SNX31: variants seen among roughly 807,000 people sequenced by gnomAD.
SNX31 encodes sorting nexin 31.
In SNX31, 58 loss-of-function variants were observed where a neutral mutation model predicts 65.4. The ratio of observed to expected loss-of-function variants is 0.89; its 90% CI spans 0.72 to 1.10. The LOEUF is 1.10. SNX31 is among the 50% of genes least tolerant of loss of function. The probability of loss-of-function intolerance (pLI) is 0.00; values close to 1 mark genes in which losing one functional copy is unlikely to be tolerated. For synonymous variants in SNX31, 181 were observed against 190.1 expected (o/e 0.95, Z 0.39); for missense variants, 523 against 529.7 (o/e 0.99, Z 0.12).
In SNX31 at chr8:100,604,460, C is replaced by T. The variant is rs986792345; in HGVS notation, c.682-4019G>A. Reference sequence around the variant, plus strand: ...AAGCATGGTGGAGAAGGGCAAGGGACGTGTGTGCCTGGACAAGGTCACCAG... The same window carrying T: ...AAGCATGGTGGAGAAGGGCAAGGGATGTGTGTGCCTGGACAAGGTCACCAG... On this transcript the variant is annotated intron_variant, in intron 8 of 13. Coordinates refer to ENST00000311812, the MANE Select transcript of SNX31 (RefSeq NM_152628.4). The surrounding 1 kb of genome is among the most constrained non-coding windows in gnomAD (Gnocchi z 4.3). Among the ~76,000 whole-genome samples the T allele has an allele frequency of 6.6e-6, 1 of 152,100 alleles. No individual in the cohort carries two copies. The highest frequency in any genetic ancestry group is 6.6e-5 in the Admixed American group (1 of 15,266).
intron 3 of SNX31, among the ~76,000 whole-genome samples, chr8:100,634,777 T>G (rs115043193): frequency 7.6e-6 from 1 of 132,250 alleles, no homozygotes; most frequent in East Asian, 2.4e-4. Context: ...AATTAAATAT[T>G]GGGTGCAGTG....
Position 100,596,801 on chromosome 8 carries a change from C to T in SNX31, c.816G>A (p.Leu272=). 1 of 1,613,790 alleles carries T rather than the reference C, an allele frequency of 6.2e-7. No homozygotes were observed. The highest frequency in any genetic ancestry group is 8.5e-7 in the Non-Finnish European group (1 of 1,180,010). ...AGTCACAGGTACAAGGATCCAGCTGCAGGTATCCATAGTGCCGTACCTCCC... is the reference window on the plus strand; with the variant it reads ...AGTCACAGGTACAAGGATCCAGCTGTAGGTATCCATAGTGCCGTACCTCCC... The part of the protein sequence containing the change: ...LAREVRHYGY[L]QLDPCTCDYP... Residue 272 remains leucine, a synonymous_variant, in exon 10 of 14, where the codon CTG becomes CTA. Coordinates refer to ENST00000311812, the MANE Select transcript of SNX31 (RefSeq NM_152628.4).
intron 12 of SNX31, among the ~76,000 whole-genome samples, chr8:100,577,630 T>C (rs997513040): frequency 1.3e-5 from 2 of 152,156 alleles, no homozygotes; most frequent in African/African-American, 2.4e-5. Context: ...CAGGATTACA[T>C]TGAATGCATG....
At chr8:100,657,918 A>G in intron 1 of SNX31, 1 of 361,480 alleles carries the variant, frequency 2.8e-6, no homozygotes, top group Non-Finnish European at 5.4e-6. Context: ...AACAACAACA[A>G]CAAACAACTA....
chr8:100,580,582 A>G (rs1170352370), intron 12 of SNX31, among the ~76,000 whole-genome samples: 3 of 152,210 alleles, frequency 2.0e-5, no homozygotes, highest in Non-Finnish European at 4.4e-5. Context: ...AAAGAAGTGA[A>G]CCCTGCTTCA....
intron 10 of SNX31, among the ~76,000 whole-genome samples, chr8:100,592,642 T>C (rs1376757346): frequency 6.6e-6 from 1 of 152,072 alleles, no homozygotes; most frequent in Non-Finnish European, 1.5e-5. Context: ...TCAAGAGACA[T>C]AAAAACATGT....
At chr8:100,654,787 C>T (rs1191124469) in intron 1 of SNX31, among the ~76,000 whole-genome samples, 3 of 152,062 alleles carry the variant, frequency 2.0e-5, no homozygotes, top group African/African-American at 7.2e-5. Flanking sequence ...CTGAGGCATG[C>T]GGATCACTTG....
chr8:100,636,207 C>T (rs1229240182), intron 2 of SNX31, among the ~76,000 whole-genome samples, 196 bp from the exon 3 acceptor site: 1 of 152,198 alleles, frequency 6.6e-6, no homozygotes, highest in African/African-American at 2.4e-5. Flanking sequence ...ATTCTGGAGA[C>T]ATTACTAGAC....
chr8:100,601,726 G>C (rs2130942042), intron 8 of SNX31, among the ~76,000 whole-genome samples: 1 of 152,276 alleles, frequency 6.6e-6, no homozygotes, highest in South Asian at 2.1e-4. Context: ...TCCCTAATGG[G>C]GTTCTTGGTT....
Position 100,588,947 on chromosome 8 carries a change from T to C in SNX31, c.1011A>G (p.Arg337=). The part of the protein sequence containing the change: ...GTLLDTDGPQ[R]TLNQNLELRF... ...TGAGCTCTAAGTTCTGGTTGAGAGT[T>C]CTCTGGGGCCCATCCGTATCCAGCA... The change falls in exon 11 of 14, where the codon AGA becomes AGG. Residue 337 remains arginine, a synonymous_variant. Coordinates refer to ENST00000311812, the MANE Select transcript of SNX31 (RefSeq NM_152628.4). The surrounding 1 kb of genome is among the most constrained non-coding windows in gnomAD (Gnocchi z 4.8). 1 of 1,614,006 alleles carries C rather than the reference T, an allele frequency of 6.2e-7. No homozygotes were observed. Among genetic ancestry groups the C allele is most frequent in the Non-Finnish European group, 8.5e-7 (1 of 1,179,932 alleles).
chr8:100,603,426 T>G (rs961671587), intron 8 of SNX31, among the ~76,000 whole-genome samples: 2 of 152,076 alleles, frequency 1.3e-5, no homozygotes, highest in Non-Finnish European at 2.9e-5. Flanking sequence ...GTAACTGTTT[T>G]GTTTCATTAC....
rs183923308 is a variant in SNX31, at chr8:100,577,811, A to T, written c.1171-736T>A. The stretch of plus-strand genomic sequence containing the variant: ...GAGCTGTATCCCTCAGTAGAGAGAC[A>T]TTCCAGCCCCAGAGACCCAGCAGGT... On this transcript the variant is annotated intron_variant, in intron 12 of 13. Coordinates refer to ENST00000311812, the MANE Select transcript of SNX31 (RefSeq NM_152628.4). 4.5e-3 allele frequency among the ~76,000 whole-genome samples: 690 copies of T among 152,288 alleles called. 6 individuals carry two copies. Among genetic ancestry groups the T allele is most frequent in the Middle Eastern group, 0.01 (3 of 294 alleles).
chr8:100,641,595 T>TATAC lies in SNX31; in HGVS notation c.142-5585_142-5584insGTAT, dbSNP rs1241411821. ...ATATATATATATATATATATATATATACACATACACACACACACGCACACA... is the reference window on the plus strand; with the variant it reads ...ATATATATATATATATATATATATATATACACACATACACACACACACGCACACA... On this transcript the variant is annotated intron_variant, in intron 2 of 13. Transcript: ENST00000311812. 5.3e-3 allele frequency among the ~76,000 whole-genome samples: 116 copies of TATAC among 22,006 alleles called. 3 individuals are homozygous for TATAC. Among genetic ancestry groups the TATAC allele is most frequent in the African/African-American group, 0.022 (69 of 3,208 alleles). 14.4% of individuals were successfully genotyped at this position (22,006 alleles called of 152,430 possible).
intron 2 of SNX31, among the ~76,000 whole-genome samples, chr8:100,637,386 T>C (rs1369323663): frequency 6.6e-6 from 1 of 152,152 alleles, no homozygotes; most frequent in Non-Finnish European, 1.5e-5. Flanking sequence ...CCATACTCAG[T>C]GGCTTAAAGA....
rs1271411108 is a variant in SNX31 at position 100,588,492 on chromosome 8, C to T, written c.1092+374G>A. On this transcript the variant is annotated intron_variant, in intron 11 of 13. Transcript: ENST00000311812. The surrounding 1 kb of genome is among the most constrained non-coding windows in gnomAD (Gnocchi z 4.8). ...TTTTATTGGAACATAGCCAGACTCA[C>T]TTGTTTATATACTGCCTATGGCTGC... Among the ~76,000 whole-genome samples, 1 of 152,200 alleles carries T rather than the reference C, an allele frequency of 6.6e-6. No homozygotes were observed. The highest frequency in any genetic ancestry group is 2.4e-5 in the African/African-American group (1 of 41,464).
rs977595745 is a variant in SNX31 at position 100,575,923 on chromosome 8, C to T, written c.1227+1096G>A. On this transcript the variant is annotated intron_variant, in intron 13 of 13. Coordinates refer to ENST00000311812, the MANE Select transcript of SNX31 (RefSeq NM_152628.4). This position sits in a 1 kb window ranked among gnomAD's most constrained non-coding sequence, Gnocchi z 5.1. ...CCAATGTGCAGCCAAAGTTGAGAAC[C>T]ACAGCTCCATGCTGTCGGCATGCTG... 3.3e-5 allele frequency among the ~76,000 whole-genome samples: 5 copies of T among 150,132 alleles called. No individual in the cohort carries two copies. The highest frequency in any genetic ancestry group is 1.2e-4 in the African/African-American group (5 of 41,220).
rs752036 is a variant in SNX31, at chr8:100,614,013, C to T, written c.433-928G>A. ...AGGTGGCAGTTGTACAAATACCAGG[C>T]TCACAGGGGGCCTTCTCTTGTCAGA... On this transcript the variant is annotated intron_variant, in intron 5 of 13. Coordinates refer to ENST00000311812, the MANE Select transcript of SNX31 (RefSeq NM_152628.4). The surrounding 1 kb of genome is among the most constrained non-coding windows in gnomAD (Gnocchi z 5.1). 0.43 allele frequency among the ~76,000 whole-genome samples: 65,197 copies of T among 151,968 alleles called. 14,394 individuals carry two copies. Among genetic ancestry groups the T allele is most frequent in the Admixed American group, 0.5 (7,645 of 15,266 alleles).
chr8:100,659,353 C>CAAAAAAAAAAAAA, intron 1 of SNX31, among the ~76,000 whole-genome samples: 1 of 71,424 alleles, frequency 1.4e-5, no homozygotes, highest in Non-Finnish European at 2.8e-5. Flanking sequence ...AACTCCATCA[C>CAAAAAAAAAAAAA]AAAAAAAAAA....
intron 10 of SNX31, among the ~76,000 whole-genome samples, chr8:100,593,192 A>G (rs1050249346): frequency 6.6e-6 from 1 of 152,222 alleles, no homozygotes; most frequent in Non-Finnish European, 1.5e-5. Flanking sequence ...TATGTGAATT[A>G]TATCTCAATA....
Sources: allele counts gnomAD v4.1 joint callset (sites outside exome capture counted in the v4.1 genomes callset), GRCh38; gene constraint gnomAD v4.1.1; non-coding constraint Gnocchi (gnomAD v3.1); transcripts MANE v1.5; gene names NCBI Gene and HGNC (gene_info 2026-07-23, HGNC 2026-07-21).